PPHLN1: variants seen among roughly 807,000 people sequenced by gnomAD.
PPHLN1 encodes the protein periphilin 1.
In PPHLN1, 29 loss-of-function variants were observed where a neutral mutation model predicts 51.3. The ratio of observed to expected loss-of-function variants is 0.57; its 90% CI spans 0.42 to 0.77. The LOEUF is 0.77. Ranked by LOEUF, PPHLN1 falls within the 30% of genes least tolerant of loss-of-function variation. PPHLN1 has a pLI of 0.00. For synonymous variants in PPHLN1, 147 were observed against 147.8 expected, an observed-to-expected ratio of 0.99 and a Z score of 0.04; for missense variants, 436 against 438.4, an observed-to-expected ratio of 0.99 and a Z score of 0.05.
chr12:42,442,888 C>T (rs185395550), downstream of PPHLN1: 22 of 1,306,444 alleles, frequency 1.7e-5, no homozygotes, highest in East Asian at 1.3e-4. Context: ...GCCTCGGTTT[C>T]GCAGGCTCAA....
intron 9 of PPHLN1, among the ~76,000 whole-genome samples, chr12:42,429,951 A>G (rs990539906): frequency 1.3e-4 from 20 of 152,194 alleles, no homozygotes; most frequent in East Asian, 5.8e-4. Context: ...TAAGAAATAT[A>G]TATTTGGCTT....
chr12:42,397,170 C>G (rs1363216672), intron 8 of PPHLN1, among the ~76,000 whole-genome samples: 2 of 152,142 alleles, frequency 1.3e-5, no homozygotes, highest in Non-Finnish European at 2.9e-5. Context: ...TATTCTGTCC[C>G]TAGTCTAGAA....
chr12:42,343,400 T>C (rs1314029025), intron 2 of PPHLN1, among the ~76,000 whole-genome samples: 1 of 152,202 alleles, frequency 6.6e-6, no homozygotes, highest in Non-Finnish European at 1.5e-5. Flanking sequence ...AGAATTTTTA[T>C]AGTGACCATC....
At chr12:42,326,287 G>C (rs973859548) in intron 1 of PPHLN1, 58 bp downstream of exon 1, 1 of 152,304 alleles carries the variant, frequency 6.6e-6, no homozygotes. Context: ...GCTGCTAAAC[G>C]GGGGGGAGTG....
intron 9 of PPHLN1, among the ~76,000 whole-genome samples, chr12:42,416,149 C>T (rs1443686335): frequency 1.3e-5 from 2 of 152,118 alleles, no homozygotes; most frequent in Non-Finnish European, 2.9e-5. Flanking sequence ...AATCATCTTA[C>T]ATGTGTATTT....
chr12:42,341,310 CATTT>C (rs1288544209), intron 2 of PPHLN1, among the ~76,000 whole-genome samples: 4 of 151,922 alleles, frequency 2.6e-5, no homozygotes, highest in Non-Finnish European at 5.9e-5. Flanking sequence ...CTCTTTGCCC[CATTT>C]ATGATCAATT....
At chr12:42,376,841 T>C (rs955957039) in intron 5 of PPHLN1, among the ~76,000 whole-genome samples, 1 of 152,180 alleles carries the variant, frequency 6.6e-6, no homozygotes, top group Admixed American at 6.5e-5. Context: ...TATATATATC[T>C]GATTGTCCAA....
intron 9 of PPHLN1, among the ~76,000 whole-genome samples, chr12:42,433,736 C>G (rs1743149861): frequency 6.6e-6 from 1 of 152,186 alleles, no homozygotes; most frequent in Non-Finnish European, 1.5e-5. Flanking sequence ...GATCTTCATC[C>G]TCCTTGTCTT....
At chr12:42,414,702 T>G (rs573655395) in intron 9 of PPHLN1, among the ~76,000 whole-genome samples, 1 of 152,170 alleles carries the variant, frequency 6.6e-6, no homozygotes, top group East Asian at 1.9e-4. Flanking sequence ...GTTTTCTAGG[T>G]ATATAGTCAT....
rs1310078773 is a variant in PPHLN1, at chr12:42,431,055, TTTAA to T, written c.910-10258_910-10255del. Among the ~76,000 whole-genome samples, 6 of 152,344 alleles carry T rather than the reference TTTAA, an allele frequency of 3.9e-5. No homozygotes were observed. In the East Asian group the frequency reaches 9.6e-4, roughly 24 times the overall value. ...TGTTTTATTTTTAAATACTGTACAC[TTTAA>T]TAAATAAACCAAACAAACCCTCAAG... On this transcript the variant is annotated intron_variant, in intron 9 of 9. Transcript: ENST00000358314.
At chr12:42,441,271 G>A (rs779022462) in intron 9 of PPHLN1, 44 bp from the exon 10 acceptor site, 3 of 1,546,314 alleles carry the variant, frequency 1.9e-6, no homozygotes, top group East Asian at 4.6e-5. Context: ...TATTTGGCTA[G>A]TTATTTTCAT....
intron 7 of PPHLN1, 84 bp downstream of exon 7, chr12:42,387,619 G>T: frequency 6.8e-7 from 1 of 1,469,834 alleles, no homozygotes; most frequent in South Asian, 1.5e-5. Flanking sequence ...ATTCTTTACT[G>T]TTATGCCAAG....
intron 9 of PPHLN1, among the ~76,000 whole-genome samples, chr12:42,425,038 TTATGTATGTATGTATGTATG>T (rs71435906): frequency 1.5e-5 from 2 of 136,866 alleles, no homozygotes; most frequent in African/African-American, 2.8e-5. Flanking sequence ...TTATTTTATT[TTATGTATGTATGTATGTATG>T]TATGTATGTA....
intron 1 of PPHLN1, among the ~76,000 whole-genome samples, chr12:42,330,333 T>G (rs1381289650): frequency 6.6e-6 from 1 of 152,140 alleles, no homozygotes; most frequent in African/African-American, 2.4e-5. Context: ...CTTTTACTGA[T>G]CCTCCTCAGC....
intron 9 of PPHLN1, among the ~76,000 whole-genome samples, chr12:42,400,868 G>A (rs1360476393): frequency 2.7e-5 from 4 of 148,586 alleles, no homozygotes; most frequent in Admixed American, 6.8e-5. Flanking sequence ...TATGCTGTTC[G>A]GTATTCTTAG....
rs752617512 is a variant in PPHLN1, at chr12:42,335,876, T to C, written c.-20-7T>C. 2.1e-5 allele frequency: 31 copies of C among 1,496,462 alleles called. No individual in the cohort carries two copies. The highest frequency in any genetic ancestry group is 2.6e-5 in the Non-Finnish European group (29 of 1,114,392). The allele number at this position is 1,496,462 out of a possible 1,614,324, so 92.7% of individuals were successfully genotyped here. On this transcript the variant is annotated splice_polypyrimidine_tract_variant and splice_region_variant and intron_variant, in intron 1 of 9. Coordinates refer to ENST00000358314, the MANE Select transcript of PPHLN1 (RefSeq NM_201439.2). Reference sequence around the variant, plus strand: ...ATAAAATCCATAATTCTTTTTTTTTTCTTTAGTGGCTTACAGAAGAGACGA... The same window carrying C: ...ATAAAATCCATAATTCTTTTTTTTTCCTTTAGTGGCTTACAGAAGAGACGA...
chr12:42,433,239 A>C, intron 9 of PPHLN1: 2 of 733,968 alleles, frequency 2.7e-6, no homozygotes, highest in South Asian at 2.8e-5. Flanking sequence ...ATATACCTCT[A>C]CTTCATCTCC....
chr12:42,436,507 A>G (rs1593018683), intron 9 of PPHLN1, among the ~76,000 whole-genome samples: 1 of 152,192 alleles, frequency 6.6e-6, no homozygotes, highest in African/African-American at 2.4e-5. Context: ...TCAAGTGACT[A>G]CTTAGTACTG....
chr12:42,420,370 A>T (rs1398320811), intron 9 of PPHLN1, among the ~76,000 whole-genome samples: 1 of 151,836 alleles, frequency 6.6e-6, no homozygotes, highest in African/African-American at 2.4e-5. Flanking sequence ...AGACATTTTG[A>T]AACTTGTCTC....
Sources: gnomAD v4.1 joint callset for allele counts (sites outside exome capture counted in the v4.1 genomes callset) on GRCh38, gnomAD v4.1.1 for gene constraint, MANE v1.5 for transcripts, NCBI Gene and HGNC (gene_info 2026-07-23, HGNC 2026-07-21) for gene names.